Variants in RALYL observed in about 807,000 individuals in gnomAD.
The protein encoded by RALYL is RALY RNA binding protein like, also known as RNA-binding Raly-like protein.
A neutral mutation model predicts 35.1 loss-of-function variants in RALYL; 29 were observed. The ratio of observed to expected loss-of-function variants is 0.83; its 90% confidence interval spans 0.61 to 1.13. The LOEUF (loss-of-function observed/expected upper bound fraction) is 1.13, where lower values mean the gene tolerates loss of function less well. RALYL is among the 50% of genes most tolerant of loss of function. The pLI, the probability that RALYL is intolerant of heterozygous loss-of-function variation, is 0.00. For synonymous variants in RALYL, 120 were observed against 127.6 expected (o/e 0.94, Z 0.40); for missense variants, 359 against 360.4 (o/e 1.00, Z 0.03).
intron 1 of RALYL, among the ~76,000 whole-genome samples, chr8:84,336,737 C>G (rs1847875273): frequency 1.3e-5 from 2 of 151,850 alleles, no homozygotes; most frequent in African/African-American, 4.8e-5. Context: ...CAGCTACTGC[C>G]AACAGTTTAT....
intron 4 of RALYL, among the ~76,000 whole-genome samples, chr8:84,832,660 A>G (rs1361535085): frequency 6.6e-6 from 1 of 152,146 alleles, no homozygotes; most frequent in Non-Finnish European, 1.5e-5. Context: ...TCTAAATGTT[A>G]CATTTTAACA....
intron 1 of RALYL, among the ~76,000 whole-genome samples, chr8:84,212,900 G>C (rs1317778896): frequency 6.6e-6 from 1 of 151,984 alleles, no homozygotes; most frequent in Non-Finnish European, 1.5e-5. Context: ...AGAAATGACA[G>C]TTCAGTCATA....
chr8:84,432,655 A>G (rs550461638), intron 1 of RALYL, among the ~76,000 whole-genome samples: 6 of 152,196 alleles, frequency 3.9e-5, no homozygotes, highest in African/African-American at 1.2e-4. Context: ...GTTAAGATGA[A>G]GTCATGCTAC....
At chr8:84,856,367 A>G (rs1003742201) in intron 5 of RALYL, among the ~76,000 whole-genome samples, 6 of 152,252 alleles carry the variant, frequency 3.9e-5, no homozygotes, top group Admixed American at 2.6e-4. Flanking sequence ...CTTTTTAATT[A>G]CACAAAGCTG....
At chr8:84,790,750 A>G (rs554898232) in intron 3 of RALYL, among the ~76,000 whole-genome samples, 2 of 152,316 alleles carry the variant, frequency 1.3e-5, no homozygotes, top group African/African-American at 4.8e-5. Context: ...AAGAAGATTC[A>G]TGGAAAAAAA....
chr8:84,512,282 A>G (rs982992086), intron 1 of RALYL, among the ~76,000 whole-genome samples: 1 of 151,626 alleles, frequency 6.6e-6, no homozygotes, highest in African/African-American at 2.4e-5. Context: ...CATTATGATT[A>G]TGATTTGCAT....
At chr8:84,574,237 C>A (rs1011269292) in intron 2 of RALYL, among the ~76,000 whole-genome samples, 2 of 152,010 alleles carry the variant, frequency 1.3e-5, no homozygotes, top group Non-Finnish European at 1.5e-5. Context: ...TTCCTTAATT[C>A]CTTGGTTGTT....
At chr8:84,474,357 G>A (rs896671689) in intron 1 of RALYL, among the ~76,000 whole-genome samples, 1 of 152,134 alleles carries the variant, frequency 6.6e-6, no homozygotes, top group Non-Finnish European at 1.5e-5. Flanking sequence ...CGAGTTGTTT[G>A]TGTAAGCAAG....
intron 1 of RALYL, among the ~76,000 whole-genome samples, chr8:84,399,791 A>G (rs73302519): frequency 0.028 from 4,307 of 152,250 alleles, 198 homozygotes; most frequent in African/African-American, 0.098. Context: ...CTGTTGTTAG[A>G]AGGGAAGAAG....
intron 1 of RALYL, among the ~76,000 whole-genome samples, chr8:84,526,027 CT>C (rs2058869163): frequency 6.9e-6 from 1 of 144,388 alleles, no homozygotes; most frequent in Admixed American, 7.1e-5. Flanking sequence ...TTTCTGCTCA[CT>C]GCAACCTCTG....
chr8:84,398,469 C>T (rs539678960), intron 1 of RALYL, among the ~76,000 whole-genome samples: 35 of 152,070 alleles, frequency 2.3e-4, no homozygotes, highest in African/African-American at 8.4e-4. Context: ...ATAAGAGGAC[C>T]TAGAAAATAT....
chr8:84,764,449 A>C (rs1813425299), intron 2 of RALYL, among the ~76,000 whole-genome samples: 1 of 152,232 alleles, frequency 6.6e-6, no homozygotes, highest in African/African-American at 2.4e-5. Flanking sequence ...AGGCATCCAA[A>C]TATATATGTG....
intron 1 of RALYL, among the ~76,000 whole-genome samples, chr8:84,252,539 T>G (rs567288912): frequency 1.5e-3 from 233 of 152,278 alleles, no homozygotes; most frequent in Non-Finnish European, 3.1e-3. Context: ...GCATTCATAT[T>G]CAACTATGTA....
intron 1 of RALYL, among the ~76,000 whole-genome samples, chr8:84,309,669 T>A (rs961964558): frequency 1.3e-5 from 2 of 152,094 alleles, no homozygotes; most frequent in Non-Finnish European, 2.9e-5. Context: ...TATGGAAACA[T>A]GGACCTATGA....
At chr8:84,396,075 A>G (rs1861691469) in intron 1 of RALYL, among the ~76,000 whole-genome samples, 1 of 151,850 alleles carries the variant, frequency 6.6e-6, no homozygotes, top group African/African-American at 2.4e-5. Flanking sequence ...AAATATTTCT[A>G]TTTTCATTTG....
intron 2 of RALYL, among the ~76,000 whole-genome samples, chr8:84,703,121 C>G (rs1840505781): frequency 6.6e-6 from 1 of 152,102 alleles, no homozygotes; most frequent in Admixed American, 6.6e-5. Flanking sequence ...ACTCTGCTCC[C>G]CCTCAGCCAC....
chr8:84,903,469 C>T (rs1303911295), intron 8 of RALYL, among the ~76,000 whole-genome samples: 2 of 152,190 alleles, frequency 1.3e-5, no homozygotes, highest in East Asian at 3.9e-4. Flanking sequence ...CTCACATTGC[C>T]CTAAACACAG....
At chr8:84,470,766 C>T (rs2052626832) in intron 1 of RALYL, among the ~76,000 whole-genome samples, 2 of 152,122 alleles carry the variant, frequency 1.3e-5, no homozygotes, top group African/African-American at 4.8e-5. Flanking sequence ...TGAAAGTTAT[C>T]CCATGTCCTT....
In RALYL at chr8:84,294,017, G is replaced by A. The variant is rs200048094; in HGVS notation, c.-24+109593G>A. Among the ~76,000 whole-genome samples, 13 of 152,154 alleles carry A rather than the reference G, an allele frequency of 8.5e-5. No homozygotes were observed. The East Asian group carries it at 2.5e-3, about 29-fold the overall frequency. On this transcript the variant is annotated intron_variant, in intron 1 of 8. Coordinates refer to ENST00000521268, the MANE Select transcript of RALYL (RefSeq NM_173848.7). Reference sequence around the variant, plus strand: ...GGAGAAAAATTATGTGCCTCTCTTAGAAGGCATATTATTTGTTTTGTCTTC... The same window carrying A: ...GGAGAAAAATTATGTGCCTCTCTTAAAAGGCATATTATTTGTTTTGTCTTC...
Sources: allele counts gnomAD v4.1 joint callset (sites outside exome capture counted in the v4.1 genomes callset), GRCh38; gene constraint gnomAD v4.1.1; transcripts MANE v1.5; gene names NCBI Gene and HGNC (gene_info 2026-07-23, HGNC 2026-07-21).